NEMP2: variants seen among roughly 807,000 people sequenced by gnomAD.
NEMP2 encodes the protein UPF0571 transmembrane protein.
A neutral mutation model predicts 54.2 loss-of-function variants in NEMP2; 53 were observed. The observed-to-expected ratio is 0.98, with a 90% CI of 0.78 to 1.23. The LOEUF is 1.23. Among genes scored for constraint, NEMP2 ranks in the 50% most tolerant of loss-of-function variants. The pLI, the probability that NEMP2 is intolerant of heterozygous loss-of-function variation, is 0.00. For missense variants in NEMP2, 455 were observed against 511.3 expected (o/e 0.89, Z 1.06); for synonymous variants, 197 against 190.3 (o/e 1.04, Z -0.29).
At chr2:190,462,331 C>A in the NEMP2 span, among the ~76,000 whole-genome samples, 2 of 152,232 alleles carry the variant, frequency 1.3e-5, no homozygotes, top group African/African-American at 4.8e-5. This position sits in a 1 kb window ranked among gnomAD's most constrained non-coding sequence, Gnocchi z 5.7. Flanking sequence ...AGCACCCAAG[C>A]GTCAGGGATT....
the NEMP2 span, among the ~76,000 whole-genome samples, chr2:190,471,319 G>A: frequency 6.6e-6 from 1 of 152,212 alleles, no homozygotes; most frequent in Non-Finnish European, 1.5e-5. This position sits in a 1 kb window ranked among gnomAD's most constrained non-coding sequence, Gnocchi z 4.7. Context: ...AGCACAAGGG[G>A]TCAGGGAATT....
the NEMP2 span, among the ~76,000 whole-genome samples, chr2:190,617,729 TA>T: frequency 1.3e-5 from 2 of 152,244 alleles, no homozygotes; most frequent in Admixed American, 6.5e-5. The surrounding 1 kb of genome is among the most constrained non-coding windows in gnomAD (Gnocchi z 5.0). Context: ...TTATATATTT[TA>T]AAAACAAGTT....
chr2:190,458,524 G>A, the NEMP2 span, among the ~76,000 whole-genome samples: 1 of 152,296 alleles, frequency 6.6e-6, no homozygotes, highest in Admixed American at 6.5e-5. This position sits in a 1 kb window ranked among gnomAD's most constrained non-coding sequence, Gnocchi z 5.3. Context: ...CCAGTCTGTG[G>A]TATTTGTTAC....
chr2:190,572,858 T>TC, the NEMP2 span, among the ~76,000 whole-genome samples: 5 of 129,354 alleles, frequency 3.9e-5, no homozygotes, highest in African/African-American at 1.5e-4. Flanking sequence ...TATATATATA[T>TC]ATATATATAT....
the NEMP2 span, among the ~76,000 whole-genome samples, chr2:190,594,655 ACTC>A: frequency 6.6e-6 from 1 of 152,040 alleles, no homozygotes; most frequent in South Asian, 2.1e-4. This position sits in a 1 kb window ranked among gnomAD's most constrained non-coding sequence, Gnocchi z 5.6. Context: ...AGCTCCTTGA[ACTC>A]CTGGGCTCAA....
At chr2:190,572,835 AT>A in the NEMP2 span, among the ~76,000 whole-genome samples, 1 of 17,282 alleles carries the variant, frequency 5.8e-5, no homozygotes, top group Non-Finnish European at 1.3e-4. Context: ...TTTCATGAGT[AT>A]ATATATATAT....
the NEMP2 span, among the ~76,000 whole-genome samples, chr2:190,589,106 T>C: frequency 2.0e-5 from 3 of 152,126 alleles, no homozygotes; most frequent in East Asian, 5.8e-4. The surrounding 1 kb of genome is among the most constrained non-coding windows in gnomAD (Gnocchi z 4.3). Flanking sequence ...ACTCTGTACT[T>C]TGGGGCCCCA....
At chr2:190,489,968 T>A in the NEMP2 span, 1 of 920,628 alleles carries the variant, frequency 1.1e-6, no homozygotes, top group Non-Finnish European at 1.6e-6. The surrounding 1 kb of genome is among the most constrained non-coding windows in gnomAD (Gnocchi z 6.6). Context: ...ATACAACAGG[T>A]CTGTTTGGCT....
chr2:190,564,920 A>C, the NEMP2 span, among the ~76,000 whole-genome samples: 1 of 152,268 alleles, frequency 6.6e-6, no homozygotes, highest in East Asian at 1.9e-4. The surrounding 1 kb of genome is among the most constrained non-coding windows in gnomAD (Gnocchi z 4.2). Flanking sequence ...AGAGAAAGCC[A>C]TAGTCTAAAG....
the NEMP2 span, chr2:190,497,393 T>C: frequency 2.7e-5 from 43 of 1,586,296 alleles, no homozygotes; most frequent in Admixed American, 7.2e-4. The surrounding 1 kb of genome is among the most constrained non-coding windows in gnomAD (Gnocchi z 5.2). Flanking sequence ...TGTTCAAATA[T>C]GTAGAAAATG....
At chr2:190,496,222 C>A in the NEMP2 span, among the ~76,000 whole-genome samples, 2 of 151,210 alleles carry the variant, frequency 1.3e-5, no homozygotes, top group South Asian at 2.1e-4. The surrounding 1 kb of genome is among the most constrained non-coding windows in gnomAD (Gnocchi z 4.7). Context: ...GGCCAACAAA[C>A]ATGAAACAAT....
chr2:190,553,419 A>G, the NEMP2 span: 2 of 152,228 alleles, frequency 1.3e-5, no homozygotes, highest in Non-Finnish European at 2.9e-5. Context: ...AGTCAGCTCT[A>G]TCAGTCATAT....
the NEMP2 span, among the ~76,000 whole-genome samples, chr2:190,450,189 A>C: frequency 2.0e-5 from 3 of 152,178 alleles, no homozygotes; most frequent in Non-Finnish European, 4.4e-5. Context: ...TTATTGTACA[A>C]GTCAAAAGTC....
the NEMP2 span, among the ~76,000 whole-genome samples, chr2:190,461,408 T>A: frequency 1.3e-5 from 2 of 152,240 alleles, no homozygotes; most frequent in South Asian, 4.1e-4. The surrounding 1 kb of genome is among the most constrained non-coding windows in gnomAD (Gnocchi z 5.5). Context: ...TAGTGTTGTA[T>A]CCTTTTAGAG....
At chr2:190,488,601 A>G in the NEMP2 span, 2 of 1,357,768 alleles carry the variant, frequency 1.5e-6, no homozygotes, top group African/African-American at 1.5e-5. This position sits in a 1 kb window ranked among gnomAD's most constrained non-coding sequence, Gnocchi z 6.4. Context: ...ATTTCAAAAC[A>G]GAGTAGCCTA....
the NEMP2 span, among the ~76,000 whole-genome samples, chr2:190,560,072 C>G: frequency 6.6e-6 from 1 of 152,190 alleles, no homozygotes; most frequent in Non-Finnish European, 1.5e-5. The surrounding 1 kb of genome is among the most constrained non-coding windows in gnomAD (Gnocchi z 5.4). Context: ...GGACATAAAG[C>G]AGAAGACCAC....
chr2:190,437,656 T>C, the NEMP2 span: 1 of 1,415,814 alleles, frequency 7.1e-7, no homozygotes, highest in Non-Finnish European at 9.5e-7. This position sits in a 1 kb window ranked among gnomAD's most constrained non-coding sequence, Gnocchi z 5.9. Flanking sequence ...GGTATTATAA[T>C]TTGTGTTGAG....
chr2:190,604,322 C>G, the NEMP2 span, among the ~76,000 whole-genome samples: 1 of 152,234 alleles, frequency 6.6e-6, no homozygotes, highest in Admixed American at 6.5e-5. The surrounding 1 kb of genome is among the most constrained non-coding windows in gnomAD (Gnocchi z 4.5). Flanking sequence ...ACACCTACTT[C>G]TGGGACCTGA....
chr2:190,563,774 T>C, the NEMP2 span, among the ~76,000 whole-genome samples: 45 of 152,310 alleles, frequency 3.0e-4, no homozygotes, highest in East Asian at 7.7e-3. This position sits in a 1 kb window ranked among gnomAD's most constrained non-coding sequence, Gnocchi z 4.3. Context: ...CTGGAATCAA[T>C]AGGCTGCCTG....
Sources: allele counts gnomAD v4.1 joint callset (sites outside exome capture counted in the v4.1 genomes callset), GRCh38; gene constraint gnomAD v4.1.1; non-coding constraint Gnocchi (gnomAD v3.1); transcripts MANE v1.5; gene names NCBI Gene and HGNC (gene_info 2026-07-23, HGNC 2026-07-21).